Variants in TXNRD2 observed in about 807,000 individuals in gnomAD.
TXNRD2 encodes thioredoxin reductase 2, mitochondrial.
TXNRD2 carries 67 observed loss-of-function variants against 70.8 expected under a neutral mutation model. The observed-to-expected ratio is 0.95, with a 90% CI of 0.78 to 1.16. The LOEUF is 1.16. Among genes scored for constraint, TXNRD2 ranks in the 50% most tolerant of loss-of-function variants. The pLI is 0.00. For synonymous variants in TXNRD2, 301 were observed against 295.8 expected (o/e 1.02, Z -0.18); for missense variants, 644 against 719.9 (o/e 0.89, Z 1.21).
intron 5 of TXNRD2, 51 bp downstream of exon 5, chr22:19,918,092 G>A (rs748296387): frequency 5.4e-6 from 8 of 1,492,374 alleles, no homozygotes; most frequent in East Asian, 2.3e-5. Flanking sequence ...GGCACAGAAC[G>A]CCCAAGAGAA....
intron 2 of TXNRD2, among the ~76,000 whole-genome samples, chr22:19,927,651 C>CAAAAAAAAAA (rs149665821): frequency 1.6e-4 from 11 of 68,308 alleles, no homozygotes; most frequent in Non-Finnish European, 2.5e-4. Flanking sequence ...GACCTTGTCT[C>CAAAAAAAAAA]AAAAAAAAAA....
At chr22:19,903,227 G>C (rs1226998042) in intron 8 of TXNRD2, among the ~76,000 whole-genome samples, 2 of 152,250 alleles carry the variant, frequency 1.3e-5, no homozygotes, top group Non-Finnish European at 2.9e-5. Flanking sequence ...CTGGGCAGGG[G>C]CTACAGAGCT....
chr22:19,904,073 C>A (rs2145993441), intron 8 of TXNRD2, among the ~76,000 whole-genome samples: 1 of 152,346 alleles, frequency 6.6e-6, no homozygotes, highest in Admixed American at 6.5e-5. Flanking sequence ...CAGGAGCCGA[C>A]CTGGAGTCCT....
chr22:19,889,054 A>G (rs569928610), intron 11 of TXNRD2, among the ~76,000 whole-genome samples: 5 of 152,050 alleles, frequency 3.3e-5, no homozygotes, highest in African/African-American at 1.2e-4. Flanking sequence ...ATGGGACCTG[A>G]TTGGCCACTT....
At chr22:19,904,543 G>A (rs1280930468) in intron 8 of TXNRD2, among the ~76,000 whole-genome samples, 1 of 152,240 alleles carries the variant, frequency 6.6e-6, no homozygotes, top group African/African-American at 2.4e-5. Context: ...GACCTTGCAG[G>A]CTGGGTCCCA....
intron 1 of TXNRD2, among the ~76,000 whole-genome samples, chr22:19,934,625 C>T (rs2146101407): frequency 6.6e-6 from 1 of 150,816 alleles, no homozygotes; most frequent in Admixed American, 6.6e-5. Context: ...TGCAGTGGCA[C>T]AATCTCAGCT....
intron 7 of TXNRD2, among the ~76,000 whole-genome samples, chr22:19,912,692 A>G (rs1053920087): frequency 1.1e-4 from 16 of 152,218 alleles, no homozygotes; most frequent in African/African-American, 3.9e-4. Context: ...GTCATCCTAC[A>G]AAGTCACGCA....
Position 19,918,898 on chromosome 22 carries a change from G to T in TXNRD2, c.336C>A (p.Asn112Lys), listed in dbSNP as rs1940760398. The change falls in exon 4 of 18, where the codon AAC becomes AAA. Residue 112 changes from asparagine to lysine, a missense_variant. Asn to Lys is a moderately conservative substitution (Grantham distance 94). This residue lies in a region of TXNRD2 where 566 missense variants were observed against 645.0 expected (regional missense o/e 0.88). Transcript: ENST00000400521. ...LLGGLIQDAP[N>K]YGWEVAQPVP... is the part of the protein sequence containing the mutation. ...CGGGCTGGGCCACCTCCCAGCCATA[G>T]TTGGGGGCATCTTGGATCAGGCCTC... The T allele has an allele frequency of 6.2e-7, 1 of 1,612,302 alleles. No individual in the cohort carries two copies. The highest frequency in any genetic ancestry group is 8.5e-7 in the Non-Finnish European group (1 of 1,179,932).
chr22:19,919,706 G>A (rs1429785999), intron 2 of TXNRD2, 107 bp from the exon 3 acceptor site: 8 of 994,404 alleles, frequency 8.0e-6, no homozygotes, highest in Non-Finnish European at 1.0e-5. Flanking sequence ...GGCAGGGCCT[G>A]GGCCTGCGGC....
At chr22:19,881,126 G>A (rs1601385373) in intron 12 of TXNRD2, 1 of 454,610 alleles carries the variant, frequency 2.2e-6, no homozygotes, top group Non-Finnish European at 3.9e-6. Flanking sequence ...ACCCCAAAGC[G>A]TTCCATGTGC....
intron 5 of TXNRD2, 124 bp downstream of exon 5, chr22:19,918,019 G>T: frequency 1.2e-6 from 1 of 816,864 alleles, no homozygotes; most frequent in Non-Finnish European, 2.1e-6. Flanking sequence ...CCACCCATGA[G>T]CAGGACATGA....
intron 13 of TXNRD2, 110 bp downstream of exon 13, chr22:19,880,512 C>T (rs1938718878): frequency 9.8e-7 from 1 of 1,022,868 alleles, no homozygotes; most frequent in Non-Finnish European, 1.5e-6. Flanking sequence ...CACACGCATG[C>T]CCACATCTAC....
At chr22:19,921,320 TG>T (rs1374378317) in intron 2 of TXNRD2, among the ~76,000 whole-genome samples, 3 of 138,492 alleles carry the variant, frequency 2.2e-5, no homozygotes, top group East Asian at 4.3e-4. Flanking sequence ...GAGGCTAAGG[TG>T]GGGGGATGGC....
chr22:19,910,217 C>T (rs1431891768), intron 8 of TXNRD2, among the ~76,000 whole-genome samples: 1 of 152,212 alleles, frequency 6.6e-6, no homozygotes, highest in Non-Finnish European at 1.5e-5. Flanking sequence ...CTGTGGGCAT[C>T]GGAATGCACT....
Position 19,878,424 on chromosome 22 carries a change from T to G in TXNRD2, c.1289A>C (p.His430Pro), listed in dbSNP as rs376463546. 81 of 1,613,500 alleles carry G rather than the reference T, an allele frequency of 5.0e-5. No individual in the cohort carries two copies. The highest frequency in any genetic ancestry group is 6.7e-5 in the Non-Finnish European group (79 of 1,180,024). The stretch of plus-strand genomic sequence containing the variant: ...CACCGTGAACTCCAGTGGTTTATAA[T>G]GGGCGTGATAGACCTGAGGACAGGA... ...GQEHVEVYHA[H>P]YKPLEFTVAG... Residue 430 changes from histidine to proline, a missense_variant, in exon 15 of 18, where the codon CAT becomes CCT. By Grantham distance (77) the His-to-Pro change is moderately conservative. Coordinates refer to ENST00000400521, the MANE Select transcript of TXNRD2 (RefSeq NM_006440.5).
At chr22:19,905,293 C>A (rs923845019) in intron 8 of TXNRD2, among the ~76,000 whole-genome samples, 13 of 152,250 alleles carry the variant, frequency 8.5e-5, no homozygotes, top group African/African-American at 2.9e-4. Context: ...CAATAACATA[C>A]CTAGATTCCT....
chr22:19,912,443 C>T (rs1210281256), intron 7 of TXNRD2, among the ~76,000 whole-genome samples: 2 of 152,132 alleles, frequency 1.3e-5, no homozygotes, highest in Admixed American at 6.5e-5. Flanking sequence ...CCCAAAGAGC[C>T]GTCAGCAGCT....
At chr22:19,882,309 C>T (rs1275319521) in intron 12 of TXNRD2, among the ~76,000 whole-genome samples, 1 of 152,198 alleles carries the variant, frequency 6.6e-6, no homozygotes, top group Non-Finnish European at 1.5e-5. Flanking sequence ...AATGATTCTC[C>T]TGCCTCAGCC....
At chr22:19,933,238 CA>C (rs1425512979) in intron 1 of TXNRD2, among the ~76,000 whole-genome samples, 6 of 152,244 alleles carry the variant, frequency 3.9e-5, no homozygotes, top group African/African-American at 1.4e-4. Context: ...ATTCCTAATT[CA>C]ACTCAAGGGC....
Sources: allele counts gnomAD v4.1 joint callset (sites outside exome capture counted in the v4.1 genomes callset), GRCh38; gene constraint gnomAD v4.1.1; regional missense constraint gnomAD v4.1.1; transcripts MANE v1.5; gene names NCBI Gene and HGNC (gene_info 2026-07-23, HGNC 2026-07-21).